Variants in FTCDNL1 observed in about 807,000 individuals in gnomAD.
FTCDNL1 encodes formiminotransferase cyclodeaminase N-terminal like, also known as formiminotransferase N-terminal subdomain-containing protein.
In FTCDNL1, 11 loss-of-function variants were observed where a neutral mutation model predicts 5.9. That is an observed-to-expected ratio of 1.87 (90% CI 1.18 to 3.10). The LOEUF is 3.10. Ranked by LOEUF, FTCDNL1 falls within the 30% of genes most tolerant of loss-of-function variation. The pLI is 0.00. For missense variants in FTCDNL1, 115 were observed against 65.5 expected (o/e 1.76, Z -2.61); for synonymous variants, 58 against 24.8 (o/e 2.34, Z -3.99).
chr2:199,758,764 A>T (rs1379552952), downstream of FTCDNL1, among the ~76,000 whole-genome samples: 2 of 152,202 alleles, frequency 1.3e-5, no homozygotes, highest in Non-Finnish European at 2.9e-5. Context: ...CTCAGAACAA[A>T]TTAATCAGAG....
At chr2:199,702,174 A>G in the FTCDNL1 span, among the ~76,000 whole-genome samples, 114 of 152,292 alleles carry the variant, frequency 7.5e-4, no homozygotes, top group African/African-American at 2.7e-3. Context: ...ATTGAACACT[A>G]CTGAGTACTA....
chr2:199,816,574 T>G (rs148166180), intron 4 of FTCDNL1, among the ~76,000 whole-genome samples: 3,395 of 152,284 alleles, frequency 0.022, 92 homozygotes, highest in East Asian at 0.073. Flanking sequence ...AAACAAAATA[T>G]GTACATATAT....
At chr2:199,756,229 T>C (rs1165424290), downstream of FTCDNL1, among the ~76,000 whole-genome samples, 1 of 152,214 alleles carries the variant, frequency 6.6e-6, no homozygotes, top group Non-Finnish European at 1.5e-5. Flanking sequence ...GAAAATATTA[T>C]TAAGCTTGTG....
At chr2:199,824,278 T>C (rs1006197883) in intron 3 of FTCDNL1, among the ~76,000 whole-genome samples, 5 of 152,220 alleles carry the variant, frequency 3.3e-5, no homozygotes, top group Admixed American at 3.3e-4. Context: ...TTTTCTTCCG[T>C]AGCATTGTCA....
At chr2:199,775,556 G>A (rs183676053) in intron 3 of FTCDNL1, among the ~76,000 whole-genome samples, 2 of 152,280 alleles carry the variant, frequency 1.3e-5, no homozygotes, top group East Asian at 3.9e-4. Context: ...GGAAATCAGT[G>A]GCTTAGATCT....
chr2:199,850,061 G>T (rs1361263839), intron 1 of FTCDNL1, among the ~76,000 whole-genome samples: 1 of 152,126 alleles, frequency 6.6e-6, no homozygotes, highest in Non-Finnish European at 1.5e-5. Context: ...AAATCCACTG[G>T]CTTGTTCGCC....
At chr2:199,839,913 A>T (rs972196873) in intron 3 of FTCDNL1, among the ~76,000 whole-genome samples, 1 of 152,152 alleles carries the variant, frequency 6.6e-6, no homozygotes, top group Non-Finnish European at 1.5e-5. Flanking sequence ...TTTTTTCAGA[A>T]AGCTACTAAA....
intron 3 of FTCDNL1, among the ~76,000 whole-genome samples, chr2:199,796,330 T>A (rs1384646386): frequency 3.9e-5 from 6 of 152,310 alleles, no homozygotes; most frequent in East Asian, 1.9e-4. Flanking sequence ...TTCCTATGTA[T>A]CATATTAAGT....
intron 4 of FTCDNL1, 148 bp from the exon 5 acceptor site, chr2:199,812,872 T>C (rs1471147837): frequency 3.4e-6 from 2 of 591,658 alleles, no homozygotes; most frequent in African/African-American, 3.8e-5. Context: ...GTCGCTATTA[T>C]TTCACAGAGA....
the FTCDNL1 span, among the ~76,000 whole-genome samples, chr2:199,750,925 G>T: frequency 6.6e-6 from 1 of 152,202 alleles, no homozygotes; most frequent in Non-Finnish European, 1.5e-5. Flanking sequence ...AGCTAAGAAT[G>T]AATCTTAAAG....
At chr2:199,777,012 G>A (rs1294807492) in intron 3 of FTCDNL1, among the ~76,000 whole-genome samples, 1 of 148,450 alleles carries the variant, frequency 6.7e-6, no homozygotes, top group African/African-American at 2.5e-5. Flanking sequence ...GTGTATTGAG[G>A]CCAGGTACAG....
Position 199,812,621 on chromosome 2 carries a change from G to A in FTCDNL1, c.*84C>T, listed in dbSNP as rs1436631895. 7 of 568,424 alleles carry A rather than the reference G, an allele frequency of 1.2e-5. No homozygotes were observed. The highest frequency in any genetic ancestry group is 9.4e-5 in the East Asian group (3 of 32,066). The allele number at this position is 568,424 out of a possible 1,614,324, so 35.2% of individuals were successfully genotyped here. On this transcript the variant is annotated 3_prime_UTR_variant, in exon 5 of 5. Transcript: ENST00000420128. ...CAGTTTCGCTCCACTCCCGCCTCCC[G>A]CAGATTGGCACTCAGCTGCTCTGGT...
intron 3 of FTCDNL1, among the ~76,000 whole-genome samples, chr2:199,783,819 A>G (rs1203109408): frequency 6.6e-6 from 1 of 151,954 alleles, no homozygotes; most frequent in African/African-American, 2.4e-5. Flanking sequence ...CAGGTGTGGT[A>G]CCTTCTGAGT....
At chr2:199,690,124 T>C in the FTCDNL1 span, among the ~76,000 whole-genome samples, 1 of 152,220 alleles carries the variant, frequency 6.6e-6, no homozygotes, top group Non-Finnish European at 1.5e-5. Context: ...TATTTACATA[T>C]ATCAGACACA....
chr2:199,765,070 A>G (rs1698450236), intron 3 of FTCDNL1, among the ~76,000 whole-genome samples: 1 of 152,162 alleles, frequency 6.6e-6, no homozygotes, highest in Admixed American at 6.5e-5. Context: ...ATTCAATCCC[A>G]AAATATTCAA....
At chr2:199,796,012 C>T (rs899553958) in intron 3 of FTCDNL1, among the ~76,000 whole-genome samples, 3 of 151,970 alleles carry the variant, frequency 2.0e-5, no homozygotes, top group East Asian at 1.9e-4. Context: ...GGATAGCATG[C>T]TCTTAATTTT....
intron 3 of FTCDNL1, among the ~76,000 whole-genome samples, chr2:199,780,092 G>A (rs116241693): frequency 6.6e-6 from 1 of 152,148 alleles, no homozygotes; most frequent in African/African-American, 2.4e-5. Flanking sequence ...TGTGCAGGAG[G>A]TGCTCTCAGA....
At chr2:199,849,493 T>A (rs2076819268) in intron 1 of FTCDNL1, among the ~76,000 whole-genome samples, 1 of 152,204 alleles carries the variant, frequency 6.6e-6, no homozygotes, top group African/African-American at 2.4e-5. Flanking sequence ...AGGAAGCCAT[T>A]TGGATGGTTT....
the FTCDNL1 span, among the ~76,000 whole-genome samples, chr2:199,698,591 G>T: frequency 6.6e-6 from 1 of 152,118 alleles, no homozygotes; most frequent in Non-Finnish European, 1.5e-5. Context: ...AAACAAAGAT[G>T]CAACATACCA....
Sources: gnomAD v4.1 joint callset for allele counts (sites outside exome capture counted in the v4.1 genomes callset) on GRCh38, gnomAD v4.1.1 for gene constraint, MANE v1.5 for transcripts, NCBI Gene and HGNC (gene_info 2026-07-23, HGNC 2026-07-21) for gene names.